Variants in DOCK9 observed in about 807,000 individuals in gnomAD.
DOCK9 encodes dedicator of cytokinesis 9.
Under a neutral mutation model 263.3 loss-of-function variants are expected in DOCK9, and 89 were observed. The observed-to-expected ratio is 0.34, with a 90% confidence interval of 0.28 to 0.40. The LOEUF (loss-of-function observed/expected upper bound fraction) is 0.40, where lower values mean the gene tolerates loss of function less well. DOCK9 is among the 10% of genes least tolerant of loss of function. DOCK9 has a pLI of 1.00. For synonymous variants in DOCK9, 976 were observed against 973.1 expected (o/e 1.00, Z -0.06); for missense variants, 2,140 against 2,603.4 (o/e 0.82, Z 3.87).
intron 1 of DOCK9, among the ~76,000 whole-genome samples, chr13:99,064,024 C>A (rs1421256914): frequency 2.0e-5 from 3 of 152,192 alleles, no homozygotes; most frequent in Non-Finnish European, 4.4e-5. Context: ...ACCTGTAGAT[C>A]TTCTTCCATT....
chr13:99,019,489 C>G (rs917025784), intron 1 of DOCK9, among the ~76,000 whole-genome samples: 1 of 152,084 alleles, frequency 6.6e-6, no homozygotes, highest in African/African-American at 2.4e-5. Flanking sequence ...GAGGAAAGTC[C>G]AGGTGGCTCC....
At chr13:98,950,761 C>T (rs973458769) in intron 2 of DOCK9, among the ~76,000 whole-genome samples, 1 of 152,156 alleles carries the variant, frequency 6.6e-6, no homozygotes, top group African/African-American at 2.4e-5. Flanking sequence ...TTTACATAGT[C>T]GCACAAGCAT....
chr13:98,893,908 C>T (rs935474934), intron 15 of DOCK9, among the ~76,000 whole-genome samples: 3 of 152,204 alleles, frequency 2.0e-5, no homozygotes, highest in South Asian at 2.1e-4. Flanking sequence ...CTGTCACCAT[C>T]GGATCCCTGT....
chr13:98,897,348 G>T, intron 15 of DOCK9, 140 bp downstream of exon 15: 2 of 1,047,634 alleles, frequency 1.9e-6, no homozygotes, highest in Non-Finnish European at 2.8e-6. Context: ...CTTCTCAAGG[G>T]TTTGAGGAAA....
chr13:98,796,146 AAAGT>A (rs2089368218), intron 52 of DOCK9: 2 of 1,376,032 alleles, frequency 1.5e-6, no homozygotes, highest in Non-Finnish European at 2.0e-6. Flanking sequence ...CAAACTCAAA[AAAGT>A]AATAGCTTTT....
chr13:98,850,100 T>A lies in DOCK9; in HGVS notation c.3960A>T (p.Thr1320=). 1 of 1,538,694 alleles carries A rather than the reference T, an allele frequency of 6.5e-7. No individual in the cohort carries two copies. The highest frequency in any genetic ancestry group is 8.7e-7 in the Non-Finnish European group (1 of 1,145,250). ...CAGATGTTGAAGCCTTGTTCCAATA[T>A]GTAAACAAAGCATCTAGAAAATAAA... is the stretch of plus-strand genomic sequence containing the variant. ...LKSMSDDALF[T]YWNKASTSEL... Residue 1320 remains threonine, a synonymous_variant, in exon 36 of 53, where the codon ACA becomes ACT. Coordinates refer to ENST00000682017, the MANE Select transcript of DOCK9 (RefSeq NM_001366683.2).
intron 2 of DOCK9, among the ~76,000 whole-genome samples, chr13:98,933,645 C>T (rs1027181061): frequency 7.2e-5 from 11 of 152,314 alleles, no homozygotes; most frequent in African/African-American, 1.9e-4. Context: ...TTAGTACATA[C>T]GTAGTGTAGC....
intron 2 of DOCK9, among the ~76,000 whole-genome samples, chr13:98,936,703 C>A (rs117568668): frequency 0.011 from 1,691 of 151,952 alleles, 74 homozygotes; most frequent in Admixed American, 0.077. Flanking sequence ...CAATAACCAT[C>A]CATTACTTGC....
At chr13:98,879,193 GC>G (rs1227240998) in intron 27 of DOCK9, among the ~76,000 whole-genome samples, 1 of 152,126 alleles carries the variant, frequency 6.6e-6, no homozygotes, top group Non-Finnish European at 1.5e-5. Context: ...GCCTGAGGTG[GC>G]CAAACACACC....
intron 45 of DOCK9, among the ~76,000 whole-genome samples, chr13:98,818,100 AT>A (rs764075572): frequency 6.6e-6 from 1 of 152,228 alleles, no homozygotes; most frequent in Non-Finnish European, 1.5e-5. Flanking sequence ...CAAACTAAAA[AT>A]AGCTTTTATA....
intron 1 of DOCK9, among the ~76,000 whole-genome samples, chr13:99,005,378 T>C (rs1883143245): frequency 6.6e-6 from 1 of 152,200 alleles, no homozygotes; most frequent in Non-Finnish European, 1.5e-5. Flanking sequence ...CCAAATTTCT[T>C]GTTTTCATTT....
At chr13:98,891,523 A>G (rs1033208732) in intron 15 of DOCK9, among the ~76,000 whole-genome samples, 13 of 152,152 alleles carry the variant, frequency 8.5e-5, no homozygotes, top group African/African-American at 2.9e-4. Flanking sequence ...CTTCATCACC[A>G]TTTTTAAGAT....
At chr13:98,848,682 A>T (rs1343723761) in intron 36 of DOCK9, 43 bp from the exon 37 acceptor site, 1 of 1,581,316 alleles carries the variant, frequency 6.3e-7, no homozygotes, top group Non-Finnish European at 8.6e-7. Flanking sequence ...GCAAAGATAA[A>T]ATTATTTTCG....
intron 1 of DOCK9, among the ~76,000 whole-genome samples, chr13:99,020,748 T>C (rs1328246794): frequency 6.6e-6 from 1 of 152,244 alleles, no homozygotes; most frequent in African/African-American, 2.4e-5. Context: ...TAATACTGTA[T>C]TTCAAACAGA....
At chr13:99,018,194 T>C (rs548561790) in intron 1 of DOCK9, among the ~76,000 whole-genome samples, 1 of 152,240 alleles carries the variant, frequency 6.6e-6, no homozygotes, top group Non-Finnish European at 1.5e-5. Flanking sequence ...TAATCTTCAA[T>C]GGACAGTGCT....
chr13:99,049,300 G>A (rs2040577152), intron 1 of DOCK9, among the ~76,000 whole-genome samples: 1 of 152,210 alleles, frequency 6.6e-6, no homozygotes, highest in Non-Finnish European at 1.5e-5. Flanking sequence ...GGAGGTAGCA[G>A]GCAATGCTGA....
chr13:98,805,275 G>T, intron 48 of DOCK9, 66 bp from the exon 49 acceptor site: 1 of 1,375,928 alleles, frequency 7.3e-7, no homozygotes, highest in Non-Finnish European at 1.0e-6. Flanking sequence ...TCTTACCTAC[G>T]TGGTATTTTC....
At chr13:98,989,571 T>C (rs1595842352) in intron 1 of DOCK9, among the ~76,000 whole-genome samples, 1 of 151,932 alleles carries the variant, frequency 6.6e-6, no homozygotes, top group Non-Finnish European at 1.5e-5. Context: ...TAAACACAGA[T>C]CCAAGACAAG....
intron 1 of DOCK9, among the ~76,000 whole-genome samples, chr13:99,018,110 C>T (rs147038116): frequency 6.6e-6 from 1 of 152,170 alleles, no homozygotes; most frequent in African/African-American, 2.4e-5. Flanking sequence ...AAGGAAAAAG[C>T]AATGTTTTCT....
Sources: gnomAD v4.1 joint callset for allele counts (sites outside exome capture counted in the v4.1 genomes callset) on GRCh38, gnomAD v4.1.1 for gene constraint, MANE v1.5 for transcripts, NCBI Gene and HGNC (gene_info 2026-07-23, HGNC 2026-07-21) for gene names.